TMC1: variants seen among roughly 807,000 people sequenced by gnomAD.
TMC1 encodes transmembrane channel-like protein 1.
TMC1 carries 84 observed loss-of-function variants against 105.8 expected under a neutral mutation model. That is an observed-to-expected ratio of 0.79 (90% CI 0.67 to 0.95). The LOEUF is 0.95. TMC1 is among the 40% of genes least tolerant of loss of function. The pLI is 0.00. For missense variants in TMC1, 817 were observed against 914.1 expected (o/e 0.89, Z 1.37); for synonymous variants, 315 against 311.5 (o/e 1.01, Z -0.12).
rs1366635503 is a variant in TMC1, at chr9:72,531,952, G to A, written c.-428+10039G>A. On this transcript the variant is annotated intron_variant, in intron 1 of 23. Transcript: ENST00000297784. ...CTTTTATTTTTATTTATTTATTCGA[G>A]ATGGAGTCTTGCTCTGCTGCCCAGG... 2.0e-5 allele frequency among the ~76,000 whole-genome samples: 3 copies of A among 151,952 alleles called. No individual in the cohort carries two copies. In the East Asian group the frequency reaches 5.9e-4, roughly 30 times the overall value.
At chr9:72,820,148 A>G (rs1474139647) in intron 19 of TMC1, among the ~76,000 whole-genome samples, 4 of 152,234 alleles carry the variant, frequency 2.6e-5, no homozygotes, top group Non-Finnish European at 5.9e-5. Context: ...TCAAAAACCT[A>G]TAAGCTAGTT....
chr9:72,804,571 G>A (rs1261340713), intron 17 of TMC1, among the ~76,000 whole-genome samples: 2 of 152,096 alleles, frequency 1.3e-5, no homozygotes, highest in Admixed American at 1.3e-4. Context: ...TTTTTAATCT[G>A]GAAGAAGCAG....
At chr9:72,707,592 C>G (rs1315314379) in intron 8 of TMC1, among the ~76,000 whole-genome samples, 1 of 152,060 alleles carries the variant, frequency 6.6e-6, no homozygotes, top group African/African-American at 2.4e-5. Flanking sequence ...CCTTAGCCCA[C>G]TTTTTGATAG....
At position 72,593,177 on chromosome 9, in the gene TMC1, T is replaced by G. The variant is rs1335048200; in HGVS notation, c.-306+15154T>G. 2.6e-5 allele frequency among the ~76,000 whole-genome samples: 4 copies of G among 152,250 alleles called. No homozygotes were observed. In the East Asian group the frequency reaches 7.7e-4, roughly 29 times the overall value. ...TCACTGTAATTAAGAGAAGTTTTATTGAAAGAACACATGGAATAAGGAAGT... is the reference window on the plus strand; with the variant it reads ...TCACTGTAATTAAGAGAAGTTTTATGGAAAGAACACATGGAATAAGGAAGT... On this transcript the variant is annotated intron_variant, in intron 2 of 23. Coordinates refer to ENST00000297784, the MANE Select transcript of TMC1 (RefSeq NM_138691.3).
chr9:72,812,291 T>C (rs1249007381), intron 18 of TMC1, among the ~76,000 whole-genome samples: 1 of 152,176 alleles, frequency 6.6e-6, no homozygotes. Context: ...GGAGATATTA[T>C]ATATCAGTTC....
intron 10 of TMC1, among the ~76,000 whole-genome samples, chr9:72,747,643 G>A (rs1230651019): frequency 6.6e-6 from 1 of 152,146 alleles, no homozygotes; most frequent in Non-Finnish European, 1.5e-5. Context: ...TGCCCAGGCT[G>A]GAGTGCAGTG....
intron 5 of TMC1, chr9:72,655,741 C>CAAA: frequency 4.9e-6 from 2 of 404,986 alleles, no homozygotes; most frequent in East Asian, 4.4e-5. Flanking sequence ...GAATCCGTAT[C>CAAA]AAAAAAAAAA....
At chr9:72,668,634 C>G (rs964314671) in intron 5 of TMC1, among the ~76,000 whole-genome samples, 1 of 152,176 alleles carries the variant, frequency 6.6e-6, no homozygotes, top group East Asian at 1.9e-4. Context: ...CATCATTTTC[C>G]TCTAAAAGTC....
At chr9:72,535,681 G>A (rs950269311) in intron 1 of TMC1, among the ~76,000 whole-genome samples, 3 of 152,184 alleles carry the variant, frequency 2.0e-5, no homozygotes, top group African/African-American at 7.2e-5. Flanking sequence ...TAAGAAAAGA[G>A]GTTGATTTGG....
intron 5 of TMC1, among the ~76,000 whole-genome samples, chr9:72,648,940 A>G (rs1279781123): frequency 3.3e-5 from 5 of 152,196 alleles, no homozygotes; most frequent in Non-Finnish European, 7.3e-5. Context: ...CAATGGAGGA[A>G]AGGAAAATGC....
chr9:72,600,697 AAG>A (rs879779567), intron 2 of TMC1, among the ~76,000 whole-genome samples: 206 of 152,274 alleles, frequency 1.4e-3, no homozygotes, highest in Admixed American at 5.0e-3. Flanking sequence ...CAATTAAAAA[AAG>A]AAAAAAATTA....
In TMC1 at chr9:72,792,366, CA is replaced by C; in HGVS notation, c.1566+15del. On this transcript the variant is annotated intron_variant, in intron 17 of 23. Transcript: ENST00000297784. ...ATGGTGGGACAGGTAATGCCACCAA[CA>C]GAAGTGTATGGCAATTAGTAGATTA... The C allele has an allele frequency of 6.2e-7, 1 of 1,613,952 alleles. No homozygotes were observed. The highest frequency in any genetic ancestry group is 1.1e-5 in the South Asian group (1 of 91,082).
At chr9:72,616,885 A>G (rs1397726474) in intron 3 of TMC1, among the ~76,000 whole-genome samples, 1 of 152,056 alleles carries the variant, frequency 6.6e-6, no homozygotes, top group East Asian at 1.9e-4. Flanking sequence ...CACATCATCC[A>G]TCAAATCACA....
intron 1 of TMC1, among the ~76,000 whole-genome samples, chr9:72,554,760 C>T (rs1823904311): frequency 1.3e-5 from 2 of 152,150 alleles, no homozygotes; most frequent in African/African-American, 4.8e-5. Flanking sequence ...GGCTTTCTTA[C>T]TTTCTAACAT....
intron 19 of TMC1, among the ~76,000 whole-genome samples, chr9:72,820,261 A>C (rs1027030533): frequency 2.6e-5 from 4 of 152,242 alleles, no homozygotes; most frequent in African/African-American, 9.6e-5. Flanking sequence ...CAACATCAGA[A>C]AGAGAAAATT....
At chr9:72,665,919 A>G (rs990754855) in intron 5 of TMC1, among the ~76,000 whole-genome samples, 2 of 152,202 alleles carry the variant, frequency 1.3e-5, no homozygotes, top group Non-Finnish European at 2.9e-5. Context: ...AATGACCTGC[A>G]TGATGGCTTT....
chr9:72,824,464 G>A (rs745806857), intron 20 of TMC1, among the ~76,000 whole-genome samples: 7 of 152,196 alleles, frequency 4.6e-5, no homozygotes. Context: ...TGGTGAAGGA[G>A]GAGAATTTTA....
At chr9:72,739,143 A>G (rs1827346848) in intron 8 of TMC1, among the ~76,000 whole-genome samples, 2 of 152,210 alleles carry the variant, frequency 1.3e-5, no homozygotes, top group African/African-American at 4.8e-5. Context: ...AAGTGCCAGC[A>G]TGGTCGGGCT....
intron 4 of TMC1, among the ~76,000 whole-genome samples, chr9:72,633,444 T>G (rs2132137221): frequency 6.6e-6 from 1 of 152,242 alleles, no homozygotes; most frequent in East Asian, 1.9e-4. Flanking sequence ...GCTGCCAAAA[T>G]TGGATGATAG....
Sources: gnomAD v4.1 joint callset for allele counts (sites outside exome capture counted in the v4.1 genomes callset) on GRCh38, gnomAD v4.1.1 for gene constraint, MANE v1.5 for transcripts, NCBI Gene and HGNC (gene_info 2026-07-23, HGNC 2026-07-21) for gene names.